ARB2A: variants seen among roughly 807,000 people sequenced by gnomAD.
ARB2A encodes cotranscriptional regulator ARB2A.
chr5:93,983,967 A>G, the ARB2A span, among the ~76,000 whole-genome samples: 1 of 152,216 alleles, frequency 6.6e-6, no homozygotes, highest in Admixed American at 6.5e-5. Flanking sequence ...ACTAAATGCA[A>G]TGTGTGAACC....
chr5:93,925,440 C>T, the ARB2A span, among the ~76,000 whole-genome samples: 125 of 152,218 alleles, frequency 8.2e-4, no homozygotes, highest in Non-Finnish European at 1.6e-3. Context: ...CCATTATTTG[C>T]CCAGTATTAG....
At chr5:93,991,530 G>C in the ARB2A span, among the ~76,000 whole-genome samples, 2 of 151,636 alleles carry the variant, frequency 1.3e-5, no homozygotes, top group Non-Finnish European at 2.9e-5. Context: ...TATTACAAAA[G>C]TGTTCAATCA....
the ARB2A span, among the ~76,000 whole-genome samples, chr5:93,761,360 A>C: frequency 6.6e-6 from 1 of 152,190 alleles, no homozygotes; most frequent in African/African-American, 2.4e-5. Context: ...TCTCACCCTA[A>C]TACTGTGCTT....
chr5:93,917,235 G>A, the ARB2A span, among the ~76,000 whole-genome samples: 2 of 152,074 alleles, frequency 1.3e-5, no homozygotes, highest in Admixed American at 1.3e-4. Flanking sequence ...TAATAATGTT[G>A]ATGATATTGC....
At chr5:93,640,994 G>A in the ARB2A span, among the ~76,000 whole-genome samples, 6 of 152,070 alleles carry the variant, frequency 3.9e-5, no homozygotes, top group East Asian at 7.8e-4. Context: ...AAAGTCAGGA[G>A]TTTGAGACCA....
chr5:93,747,521 A>C, the ARB2A span, among the ~76,000 whole-genome samples: 8 of 152,308 alleles, frequency 5.3e-5, no homozygotes, highest in Admixed American at 5.2e-4. Flanking sequence ...TATAGATTAA[A>C]AACTTCTTTC....
At chr5:94,029,385 T>C in the ARB2A span, among the ~76,000 whole-genome samples, 2 of 152,228 alleles carry the variant, frequency 1.3e-5, no homozygotes, top group African/African-American at 2.4e-5. Flanking sequence ...ATGACATTTA[T>C]GTTTTGAAGA....
the ARB2A span, among the ~76,000 whole-genome samples, chr5:93,868,830 C>T: frequency 6.6e-6 from 1 of 152,198 alleles, no homozygotes; most frequent in Non-Finnish European, 1.5e-5. Context: ...GAAGGAACTA[C>T]TGCTTGTCTT....
At chr5:93,936,722 A>G in the ARB2A span, among the ~76,000 whole-genome samples, 1 of 152,128 alleles carries the variant, frequency 6.6e-6, no homozygotes, top group South Asian at 2.1e-4. Flanking sequence ...AAACCTTTTT[A>G]TGACCATAAT....
the ARB2A span, among the ~76,000 whole-genome samples, chr5:93,834,820 A>G: frequency 3.3e-5 from 5 of 152,140 alleles, no homozygotes; most frequent in Non-Finnish European, 7.4e-5. Context: ...TGTGACTACA[A>G]TCCAGAGAGT....
chr5:93,899,627 A>G, the ARB2A span, among the ~76,000 whole-genome samples: 5 of 152,142 alleles, frequency 3.3e-5, no homozygotes, highest in East Asian at 9.6e-4. Flanking sequence ...AATATCTATA[A>G]AGTTACTTAA....
chr5:93,767,950 C>T, the ARB2A span, among the ~76,000 whole-genome samples: 196 of 135,726 alleles, frequency 1.4e-3, 1 homozygote, highest in African/African-American at 4.8e-3. Context: ...GCCAAGATCA[C>T]GCCATTGCAC....
At chr5:93,686,851 TA>T in the ARB2A span, among the ~76,000 whole-genome samples, 2,871 of 150,964 alleles carry the variant, frequency 0.019, 99 homozygotes, top group African/African-American at 0.066. Context: ...ATTTAAAAGT[TA>T]AAAAAAAATC....
At chr5:93,987,500 C>A in the ARB2A span, among the ~76,000 whole-genome samples, 1 of 152,140 alleles carries the variant, frequency 6.6e-6, no homozygotes, top group Non-Finnish European at 1.5e-5. Context: ...TTAAATTTCA[C>A]TAAAATTATC....
chr5:93,684,022 C>T, the ARB2A span, among the ~76,000 whole-genome samples: 1 of 152,080 alleles, frequency 6.6e-6, no homozygotes, highest in African/African-American at 2.4e-5. Flanking sequence ...CATACTTTCT[C>T]CCTTTTTACA....
the ARB2A span, chr5:94,055,649 A>G: frequency 2.0e-6 from 2 of 985,128 alleles, no homozygotes; most frequent in Admixed American, 6.1e-5. Context: ...ATTCATTAGT[A>G]AAGTTCTTAC....
chr5:93,740,748 A>C, the ARB2A span: 1 of 1,612,658 alleles, frequency 6.2e-7, no homozygotes, highest in Non-Finnish European at 8.5e-7. Flanking sequence ...CCCGTGGGGA[A>C]GCATCATTGG....
chr5:93,703,183 C>T, the ARB2A span, among the ~76,000 whole-genome samples: 1 of 152,170 alleles, frequency 6.6e-6, no homozygotes, highest in Non-Finnish European at 1.5e-5. Flanking sequence ...GTATACAATA[C>T]AGCTTGAAGA....
At chr5:93,651,652 T>C in the ARB2A span, among the ~76,000 whole-genome samples, 1 of 152,028 alleles carries the variant, frequency 6.6e-6, no homozygotes, top group Non-Finnish European at 1.5e-5. Flanking sequence ...TAAACATGAG[T>C]ATAAAAATAA....
Sources: gnomAD v4.1 joint callset for allele counts (sites outside exome capture counted in the v4.1 genomes callset) on GRCh38, gnomAD v4.1.1 for gene constraint, MANE v1.5 for transcripts, NCBI Gene and HGNC (gene_info 2026-07-23, HGNC 2026-07-21) for gene names.